Variants in OPHN1 observed in about 807,000 individuals in gnomAD.
OPHN1 encodes the protein oligophrenin-1.
Under a neutral mutation model 60.7 loss-of-function variants are expected in OPHN1, and 11 were observed. The ratio of observed to expected loss-of-function variants is 0.18; its 90% confidence interval spans 0.11 to 0.30. The LOEUF is 0.30. Ranked by LOEUF, OPHN1 falls within the 10% of genes least tolerant of loss-of-function variation. The pLI, the probability that OPHN1 is intolerant of heterozygous loss-of-function variation, is 1.00. For missense variants in OPHN1, 449 were observed against 611.0 expected, an observed-to-expected ratio of 0.73 and a Z score of 2.80; for synonymous variants, 226 against 222.6, an observed-to-expected ratio of 1.02 and a Z score of -0.14.
intron 15 of OPHN1, among the ~76,000 whole-genome samples, chrX:68,175,381 G>A (rs1173864581): frequency 9.0e-6 from 1 of 110,986 alleles, no homozygotes; most frequent in Non-Finnish European, 1.9e-5. Flanking sequence ...AAAATAAATT[G>A]TAGAGTTGCT....
At chrX:68,062,309 C>A (rs2076896195) in intron 21 of OPHN1, among the ~76,000 whole-genome samples, 1 of 112,181 alleles carries the variant, frequency 8.9e-6, no homozygotes, top group Non-Finnish European at 1.9e-5. Context: ...GCCATGAAGT[C>A]TTTGTTGCTA....
At chrX:68,257,994 A>T (rs1482111939) in intron 5 of OPHN1, among the ~76,000 whole-genome samples, 4 of 109,986 alleles carry the variant, frequency 3.6e-5, no homozygotes, top group African/African-American at 1.3e-4. Flanking sequence ...GCTCTCAAAT[A>T]GTTCAAGTAG....
At chrX:68,136,770 A>G (rs1048295906) in intron 15 of OPHN1, among the ~76,000 whole-genome samples, 7 of 112,345 alleles carry the variant, frequency 6.2e-5, no homozygotes, top group Non-Finnish European at 1.3e-4. Flanking sequence ...ATTATAAACC[A>G]TGGCATATAG....
intron 3 of OPHN1, among the ~76,000 whole-genome samples, chrX:68,290,559 T>G (rs1020493029): frequency 1.9e-5 from 2 of 107,465 alleles, no homozygotes; most frequent in Non-Finnish European, 3.8e-5. Context: ...AGATCGTGCC[T>G]CTGCACTCCA....
intron 2 of OPHN1, among the ~76,000 whole-genome samples, chrX:68,415,045 G>A (rs1216634127): frequency 2.7e-5 from 3 of 112,022 alleles, no homozygotes; most frequent in Admixed American, 9.6e-5. Context: ...CATCTACAAG[G>A]CAACAATCTA....
At chrX:68,223,682 CT>C (rs1032626504) in intron 6 of OPHN1, among the ~76,000 whole-genome samples, 3 of 110,953 alleles carry the variant, frequency 2.7e-5, no homozygotes, top group African/African-American at 9.8e-5. Context: ...ACTTATACCC[CT>C]AAACCTATTG....
intron 5 of OPHN1, among the ~76,000 whole-genome samples, chrX:68,268,873 G>T: frequency 8.9e-6 from 1 of 111,912 alleles, no homozygotes; most frequent in Non-Finnish European, 1.9e-5. Context: ...TCCTTTAGCT[G>T]ATAGGCAACT....
intron 5 of OPHN1, among the ~76,000 whole-genome samples, chrX:68,238,732 G>A (rs1394258248): frequency 9.0e-6 from 1 of 111,283 alleles, no homozygotes; most frequent in Non-Finnish European, 1.9e-5. Flanking sequence ...GCTGTGGCTC[G>A]CTTCTTCGGT....
intron 2 of OPHN1, among the ~76,000 whole-genome samples, chrX:68,358,426 G>A (rs756904903): frequency 6.5e-4 from 73 of 111,672 alleles, no homozygotes; most frequent in Middle Eastern, 9.3e-3. Flanking sequence ...TCATGTGCTC[G>A]TTTTCCTAGA....
At chrX:68,350,470 T>TCCTC (rs376843734) in intron 2 of OPHN1, among the ~76,000 whole-genome samples, 1 of 66,387 alleles carries the variant, frequency 1.5e-5, no homozygotes, top group Admixed American at 1.8e-4. Context: ...CTTCCTTCCT[T>TCCTC]CCTCCCTCCC....
chrX:68,176,132 G>T (rs2077413213), intron 15 of OPHN1, among the ~76,000 whole-genome samples: 1 of 111,550 alleles, frequency 9.0e-6, no homozygotes, highest in South Asian at 3.7e-4. Context: ...AAAACATAGG[G>T]GAAAACTGTA....
chrX:68,433,752 G>A (rs1280321351), upstream of OPHN1: 2 of 296,188 alleles, frequency 6.8e-6, no homozygotes, highest in Non-Finnish European at 1.2e-5. Context: ...ATGAAACGTA[G>A]CCTCGCTCCA....
intron 19 of OPHN1, among the ~76,000 whole-genome samples, chrX:68,093,716 G>A (rs746230314): frequency 4.5e-5 from 5 of 111,130 alleles, no homozygotes; most frequent in Non-Finnish European, 7.6e-5. Flanking sequence ...TAATTGCCAC[G>A]CATACGTCAT....
At chrX:68,386,173 T>C (rs2078623505) in intron 2 of OPHN1, among the ~76,000 whole-genome samples, 1 of 112,021 alleles carries the variant, frequency 8.9e-6, no homozygotes, top group South Asian at 3.7e-4. Context: ...GACTTAACCA[T>C]AAACTGTTGT....
intron 5 of OPHN1, among the ~76,000 whole-genome samples, chrX:68,241,478 C>A (rs1206779610): frequency 2.7e-5 from 3 of 111,270 alleles, no homozygotes; most frequent in African/African-American, 9.8e-5. Context: ...ATTTATTGAC[C>A]TACAGGGGTA....
intron 21 of OPHN1, among the ~76,000 whole-genome samples, chrX:68,062,512 G>C: frequency 8.9e-6 from 1 of 112,227 alleles, no homozygotes; most frequent in Non-Finnish European, 1.9e-5. Flanking sequence ...AAAAGAGGCA[G>C]TGCAGTGGGC....
chrX:68,217,721 C>G (rs375825600), intron 6 of OPHN1, among the ~76,000 whole-genome samples: 13 of 110,000 alleles, frequency 1.2e-4, no homozygotes, highest in African/African-American at 1.6e-4. Flanking sequence ...TGAGGGTCCT[C>G]TCTGTTAGAA....
chrX:68,330,979 CAT>C (rs2078291695), intron 2 of OPHN1, among the ~76,000 whole-genome samples: 1 of 102,917 alleles, frequency 9.7e-6, no homozygotes, highest in Non-Finnish European at 2.0e-5. Flanking sequence ...TTTTCTATTC[CAT>C]ATATATAGAC....
At chrX:68,183,188 AC>A (rs2077446317) in intron 15 of OPHN1, among the ~76,000 whole-genome samples, 1 of 112,315 alleles carries the variant, frequency 8.9e-6, no homozygotes, top group Admixed American at 9.4e-5. Flanking sequence ...CCCAGAAGTA[AC>A]TACATAACAG....
Sources: gnomAD v4.1 joint callset for allele counts (sites outside exome capture counted in the v4.1 genomes callset) on GRCh38, gnomAD v4.1.1 for gene constraint, MANE v1.5 for transcripts, NCBI Gene and HGNC (gene_info 2026-07-23, HGNC 2026-07-21) for gene names.